SIPA1L2: variants seen among roughly 807,000 people sequenced by gnomAD.
SIPA1L2 encodes the protein signal-induced proliferation-associated 1-like protein 2.
In SIPA1L2, 56 loss-of-function variants were observed where a neutral mutation model predicts 163.9. That is an observed-to-expected ratio of 0.34 (90% CI 0.28 to 0.43). The LOEUF is 0.43. Ranked by LOEUF, SIPA1L2 falls within the 20% of genes least tolerant of loss-of-function variation. The probability of loss-of-function intolerance (pLI) is 1.00; values close to 1 mark genes in which losing one functional copy is unlikely to be tolerated. For missense variants in SIPA1L2, 1,974 were observed against 2,193.5 expected, an observed-to-expected ratio of 0.90 and a Z score of 2.00; for synonymous variants, 877 against 865.7, an observed-to-expected ratio of 1.01 and a Z score of -0.23.
chr1:232,413,011 AG>A (rs1285238147), intron 19 of SIPA1L2, among the ~76,000 whole-genome samples: 5 of 152,218 alleles, frequency 3.3e-5, no homozygotes, highest in Non-Finnish European at 1.5e-5. Flanking sequence ...GGCACTGGCT[AG>A]GGAGAATTTC....
intron 3 of SIPA1L2, among the ~76,000 whole-genome samples, chr1:232,504,446 G>A (rs1458761626): frequency 6.6e-6 from 1 of 151,806 alleles, no homozygotes; most frequent in Non-Finnish European, 1.5e-5. Context: ...GCTGAGGCAC[G>A]AGAAGTGCAT....
At chr1:232,602,804 G>C (rs1024003073) in intron 1 of SIPA1L2, among the ~76,000 whole-genome samples, 1 of 152,238 alleles carries the variant, frequency 6.6e-6, no homozygotes, top group Non-Finnish European at 1.5e-5. Flanking sequence ...TGTTACTCCT[G>C]CAATGCCCAG....
At chr1:232,481,451 G>GAA (rs1665351746) in intron 6 of SIPA1L2, among the ~76,000 whole-genome samples, 1 of 149,452 alleles carries the variant, frequency 6.7e-6, no homozygotes, top group African/African-American at 2.5e-5. Context: ...TTGCAAGGAA[G>GAA]AAAGAAAGAT....
chr1:232,527,037 A>G (rs1667744090), intron 2 of SIPA1L2, among the ~76,000 whole-genome samples: 1 of 152,138 alleles, frequency 6.6e-6, no homozygotes, highest in Non-Finnish European at 1.5e-5. Context: ...CACCAAAATA[A>G]AGCAATTCCA....
At chr1:232,583,782 C>A (rs1660506928) in intron 1 of SIPA1L2, among the ~76,000 whole-genome samples, 1 of 152,184 alleles carries the variant, frequency 6.6e-6, no homozygotes, top group Non-Finnish European at 1.5e-5. Context: ...ATGTCTCAAA[C>A]TGATAACTCT....
At chr1:232,470,158 T>A (rs1164629279) in intron 8 of SIPA1L2, among the ~76,000 whole-genome samples, 1 of 152,174 alleles carries the variant, frequency 6.6e-6, no homozygotes, top group Non-Finnish European at 1.5e-5. Context: ...ACCAATATTA[T>A]CTATTTTAAG....
intron 19 of SIPA1L2, among the ~76,000 whole-genome samples, chr1:232,409,057 T>C (rs12568906): frequency 0.065 from 9,902 of 152,250 alleles, 907 homozygotes; most frequent in East Asian, 0.48. Context: ...CTGTCTGAGC[T>C]CTTAATTTTT....
chr1:232,555,581 GC>G (rs1658654170), intron 2 of SIPA1L2, among the ~76,000 whole-genome samples: 1 of 152,246 alleles, frequency 6.6e-6, no homozygotes, highest in African/African-American at 2.4e-5. Flanking sequence ...ACTTTCTTCA[GC>G]CCCCTCTAAG....
chr1:232,585,006 C>T lies in SIPA1L2; in HGVS notation c.-318-10784G>A, dbSNP rs1385814869. Among the ~76,000 whole-genome samples the T allele has an allele frequency of 4.6e-5, 7 of 152,168 alleles. No individual in the cohort carries two copies. The South Asian group carries it at 6.2e-4, about 14-fold the overall frequency. On this transcript the variant is annotated intron_variant, in intron 1 of 22. Transcript: ENST00000674635. The stretch of plus-strand genomic sequence containing the variant: ...TAGTAAGGGGATATTTCATTTAAGC[C>T]CCCATTACTTCACAGTGTTCAGATT...
At chr1:232,577,736 C>T (rs954392224) in intron 1 of SIPA1L2, among the ~76,000 whole-genome samples, 6 of 152,238 alleles carry the variant, frequency 3.9e-5, no homozygotes, top group South Asian at 2.1e-4. Context: ...TTATAATTGG[C>T]GCCTAAAGAT....
chr1:232,474,162 T>C (rs1664923463), intron 7 of SIPA1L2, among the ~76,000 whole-genome samples: 1 of 152,222 alleles, frequency 6.6e-6, no homozygotes, highest in Non-Finnish European at 1.5e-5. Flanking sequence ...ATTGTAGGAA[T>C]GACATCTTCT....
At chr1:232,537,422 A>C (rs181672542) in intron 2 of SIPA1L2, among the ~76,000 whole-genome samples, 4 of 152,290 alleles carry the variant, frequency 2.6e-5, no homozygotes, top group Non-Finnish European at 5.9e-5. Context: ...GTTGCTTAAG[A>C]AGAACAATAG....
chr1:232,475,261 A>G (rs1024496742), intron 7 of SIPA1L2, among the ~76,000 whole-genome samples: 1 of 152,148 alleles, frequency 6.6e-6, no homozygotes, highest in African/African-American at 2.4e-5. Context: ...TCCCTCCTAC[A>G]GAACAACTGG....
At chr1:232,570,852 A>G (rs1659685621) in intron 2 of SIPA1L2, among the ~76,000 whole-genome samples, 3 of 152,106 alleles carry the variant, frequency 2.0e-5, no homozygotes, top group African/African-American at 7.2e-5. Context: ...AAAGAAAAAA[A>G]GCATCATATG....
intron 21 of SIPA1L2, among the ~76,000 whole-genome samples, chr1:232,403,186 C>T (rs1246923474): frequency 3.9e-5 from 6 of 152,176 alleles, no homozygotes; most frequent in African/African-American, 1.4e-4. Flanking sequence ...CAGTGAGGCT[C>T]GTCACCATGG....
intron 18 of SIPA1L2, among the ~76,000 whole-genome samples, chr1:232,423,167 T>C (rs1661675497): frequency 6.6e-6 from 1 of 152,186 alleles, no homozygotes; most frequent in South Asian, 2.1e-4. Flanking sequence ...TTTTGCCCAA[T>C]TAGAGGCTAA....
chr1:232,511,078 AAAAAT>A (rs1666958196), intron 3 of SIPA1L2, among the ~76,000 whole-genome samples: 1 of 152,174 alleles, frequency 6.6e-6, no homozygotes, highest in Non-Finnish European at 1.5e-5. Flanking sequence ...CTCCCTTTCC[AAAAAT>A]AACTAACTTC....
chr1:232,412,651 G>C (rs1052976137), intron 19 of SIPA1L2, among the ~76,000 whole-genome samples: 2 of 152,094 alleles, frequency 1.3e-5, no homozygotes, highest in Admixed American at 6.5e-5. Flanking sequence ...AGGTCACTGG[G>C]ATACAACCTG....
At chr1:232,432,948 T>C (rs1572890099) in intron 15 of SIPA1L2, among the ~76,000 whole-genome samples, 1 of 152,218 alleles carries the variant, frequency 6.6e-6, no homozygotes, top group East Asian at 1.9e-4. Flanking sequence ...ATAGGTACCT[T>C]CCTACTGCTG....
Sources: allele counts gnomAD v4.1 joint callset (sites outside exome capture counted in the v4.1 genomes callset), GRCh38; gene constraint gnomAD v4.1.1; transcripts MANE v1.5; gene names NCBI Gene and HGNC (gene_info 2026-07-23, HGNC 2026-07-21).